The following ATG13 variants were observed in gnomAD, a reference collection of about 807,000 sequenced individuals.
ATG13 encodes the protein autophagy-related protein 13.
A neutral mutation model predicts 65.5 loss-of-function variants in ATG13; 23 were observed. That is an observed-to-expected ratio of 0.35 (90% CI 0.25 to 0.50). ATG13 has a LOEUF of 0.50. Among genes scored for constraint, ATG13 ranks in the 20% least tolerant of loss-of-function variants. The probability of loss-of-function intolerance (pLI) is 0.98; values close to 1 mark genes in which losing one functional copy is unlikely to be tolerated. For missense variants in ATG13, 566 were observed against 677.0 expected (o/e 0.84, Z 1.82); for synonymous variants, 252 against 245.2 (o/e 1.03, Z -0.26).
chr11:46,631,241 G>C (rs2051630020), intron 2 of ATG13, among the ~76,000 whole-genome samples: 1 of 152,082 alleles, frequency 6.6e-6, no homozygotes, highest in African/African-American at 2.4e-5. Context: ...ACTTAAGTTG[G>C]AGTGCAGTGG....
intron 1 of ATG13, among the ~76,000 whole-genome samples, chr11:46,625,069 C>T (rs923316222): frequency 6.6e-6 from 1 of 151,516 alleles, no homozygotes; most frequent in African/African-American, 2.4e-5. Flanking sequence ...CACCTGTAAT[C>T]CTAATCCCAA....
At position 46,657,034 on chromosome 11, in the gene ATG13, G is replaced by A. The variant is rs550237991; in HGVS notation, c.500-61G>A. ...TAGGCCAAATAATTCAGGGAAAGACGGTCTGGGGGCAGTGTCAGTATTCTC... is the reference window on the plus strand; with the variant it reads ...TAGGCCAAATAATTCAGGGAAAGACAGTCTGGGGGCAGTGTCAGTATTCTC... On this transcript the variant is annotated intron_variant, in intron 8 of 18. Coordinates refer to ENST00000683050, the MANE Select transcript of ATG13 (RefSeq NM_001346311.2). 1.2e-4 allele frequency: 168 copies of A among 1,370,304 alleles called. No individual in the cohort carries two copies. The African/African-American group carries it at 1.9e-3, about 16-fold the overall frequency. 84.9% of individuals were successfully genotyped at this position (1,370,304 alleles called of 1,614,324 possible).
intron 7 of ATG13, among the ~76,000 whole-genome samples, chr11:46,652,080 C>T (rs1254237914): frequency 6.6e-6 from 1 of 151,988 alleles, no homozygotes; most frequent in Non-Finnish European, 1.5e-5. Flanking sequence ...AACACTGTCT[C>T]TACTAAAAAT....
chr11:46,639,099 T>C (rs536325784), intron 2 of ATG13, among the ~76,000 whole-genome samples: 97 of 152,264 alleles, frequency 6.4e-4, no homozygotes, highest in African/African-American at 2.3e-3. Flanking sequence ...GTGATTCTCC[T>C]GCCTCGGCCT....
chr11:46,672,195 C>G, intron 18 of ATG13, 60 bp from the exon 19 acceptor site: 1 of 1,611,912 alleles, frequency 6.2e-7, no homozygotes, highest in East Asian at 2.2e-5. Flanking sequence ...CGGGACTGGG[C>G]TGGCTGCCTC....
intron 10 of ATG13, 137 bp downstream of exon 10, chr11:46,657,759 G>C: frequency 2.9e-6 from 2 of 695,252 alleles, no homozygotes; most frequent in East Asian, 5.7e-5. Flanking sequence ...CACGTGGAGA[G>C]AAATCAAATG....
intron 11 of ATG13, 40 bp downstream of exon 11, chr11:46,659,525 GTA>G (rs1192127426): frequency 1.3e-6 from 2 of 1,493,842 alleles, no homozygotes; most frequent in African/African-American, 1.4e-5. Context: ...TAGTTATTTG[GTA>G]TATATATGGG....
chr11:46,670,725 C>A (rs977298619), intron 18 of ATG13, among the ~76,000 whole-genome samples: 1 of 152,000 alleles, frequency 6.6e-6, no homozygotes, highest in African/African-American at 2.4e-5. Context: ...AGGAGGATTG[C>A]TTGCTTGAGC....
intron 2 of ATG13, among the ~76,000 whole-genome samples, chr11:46,634,608 T>C (rs1235902668): frequency 1.3e-5 from 2 of 152,018 alleles, no homozygotes; most frequent in Non-Finnish European, 1.5e-5. Context: ...TTGGCTAGGC[T>C]GGTCTCAAAC....
chr11:46,669,655 T>C (rs2134284056), intron 18 of ATG13, 123 bp downstream of exon 18: 1 of 1,244,286 alleles, frequency 8.0e-7, no homozygotes, highest in East Asian at 2.4e-5. Flanking sequence ...AATTAGAAAA[T>C]TATCTTTTGA....
chr11:46,651,114 A>G (rs1191569478), intron 7 of ATG13, among the ~76,000 whole-genome samples: 2 of 152,224 alleles, frequency 1.3e-5, no homozygotes, highest in Non-Finnish European at 2.9e-5. Flanking sequence ...TAGTGCAAGC[A>G]TTGTGCCAGG....
intron 18 of ATG13, among the ~76,000 whole-genome samples, chr11:46,671,323 A>G (rs2063679158): frequency 6.6e-6 from 1 of 152,204 alleles, no homozygotes; most frequent in Non-Finnish European, 1.5e-5. Flanking sequence ...GTAGAGACGC[A>G]TTTTTATTAA....
intron 2 of ATG13, among the ~76,000 whole-genome samples, chr11:46,640,457 TC>T (rs2055597327): frequency 6.6e-6 from 1 of 152,178 alleles, no homozygotes; most frequent in South Asian, 2.1e-4. Flanking sequence ...GTTTAAAACT[TC>T]AGTAAGGAAA....
chr11:46,632,127 G>A (rs75694066), intron 2 of ATG13, among the ~76,000 whole-genome samples: 2,202 of 152,246 alleles, frequency 0.014, 18 homozygotes, highest in Non-Finnish European at 0.024. Flanking sequence ...CAAGTCACAG[G>A]ACAATAAGTG....
intron 7 of ATG13, among the ~76,000 whole-genome samples, chr11:46,650,859 C>T (rs558027822): frequency 5.6e-4 from 85 of 152,320 alleles, no homozygotes; most frequent in African/African-American, 1.9e-3. Context: ...CTGCCTCAGC[C>T]TCCCAAAGTG....
At chr11:46,635,210 TGG>T in intron 2 of ATG13, among the ~76,000 whole-genome samples, 1 of 151,792 alleles carries the variant, frequency 6.6e-6, no homozygotes, top group African/African-American at 2.4e-5. Context: ...TTTGCTATGT[TGG>T]CCAGGCTGGT....
intron 1 of ATG13, among the ~76,000 whole-genome samples, chr11:46,622,381 T>C (rs899261283): frequency 6.7e-4 from 102 of 151,986 alleles, no homozygotes; most frequent in African/African-American, 2.3e-3. Flanking sequence ...TCTCCCAAAG[T>C]GCTGGGATTA....
chr11:46,657,356 G>T lies in ATG13; in HGVS notation c.596+165G>T, dbSNP rs1242529812. On this transcript the variant is annotated intron_variant, in intron 9 of 18. Coordinates refer to ENST00000683050, the MANE Select transcript of ATG13 (RefSeq NM_001346311.2). ...CAGATTGGAGAATTTGAGTGTCCCA[G>T]AGCCAGTTTGTCCAGAACGTAGGAT... The T allele has an allele frequency of 4.3e-6, 4 of 921,634 alleles. No individual in the cohort carries two copies. In the African/African-American group the frequency reaches 5.0e-5, roughly 11 times the overall value. The allele number at this position is 921,634 out of a possible 1,614,324, so 57.1% of individuals were successfully genotyped here.
intron 12 of ATG13, 84 bp downstream of exon 12, chr11:46,664,179 A>G (rs773152282): frequency 1.9e-6 from 2 of 1,074,350 alleles, no homozygotes; most frequent in Middle Eastern, 2.6e-4. Context: ...AGGTACAGTT[A>G]TTTAAATGTC....
Sources: gnomAD v4.1 joint callset for allele counts (sites outside exome capture counted in the v4.1 genomes callset) on GRCh38, gnomAD v4.1.1 for gene constraint, MANE v1.5 for transcripts, NCBI Gene and HGNC (gene_info 2026-07-23, HGNC 2026-07-21) for gene names.